Variants in BTG4 observed in about 807,000 individuals in gnomAD.
The protein encoded by BTG4 is BTG anti-proliferation factor 4.
A neutral mutation model predicts 19.3 loss-of-function variants in BTG4; 10 were observed. The ratio of observed to expected loss-of-function variants is 0.52; its 90% confidence interval spans 0.32 to 0.88. The LOEUF (loss-of-function observed/expected upper bound fraction) is 0.88, where lower values mean the gene tolerates loss of function less well. Ranked by LOEUF, BTG4 falls within the 40% of genes least tolerant of loss-of-function variation. The pLI is 0.04. For synonymous variants in BTG4, 91 were observed against 95.7 expected, an observed-to-expected ratio of 0.95 and a Z score of 0.29; for missense variants, 238 against 281.9, an observed-to-expected ratio of 0.84 and a Z score of 1.11.
At chr11:111,504,492 T>C (rs960045136) in intron 1 of BTG4, among the ~76,000 whole-genome samples, 1 of 152,088 alleles carries the variant, frequency 6.6e-6, no homozygotes, top group African/African-American at 2.4e-5. Context: ...TCTATCTGCA[T>C]TACTGAGCAT....
At chr11:111,489,638 A>G (rs1466353921) in intron 5 of BTG4, among the ~76,000 whole-genome samples, 2 of 152,222 alleles carry the variant, frequency 1.3e-5, no homozygotes, top group Non-Finnish European at 2.9e-5. Flanking sequence ...AAAAGAATAA[A>G]ATCCTATCAT....
the BTG4 span, among the ~76,000 whole-genome samples, chr11:111,436,103 C>T: frequency 1.3e-5 from 2 of 152,194 alleles, no homozygotes; most frequent in African/African-American, 4.8e-5. Flanking sequence ...CCATTATTAT[C>T]ACCCCATTTT....
intron 5 of BTG4, among the ~76,000 whole-genome samples, chr11:111,470,704 C>T (rs969708026): frequency 1.9e-4 from 29 of 152,068 alleles, no homozygotes; most frequent in African/African-American, 7.0e-4. Context: ...ATCACTTGAG[C>T]CCAGGAGTCT....
At chr11:111,438,157 G>A in the BTG4 span, among the ~76,000 whole-genome samples, 2 of 152,346 alleles carry the variant, frequency 1.3e-5, no homozygotes, top group South Asian at 4.1e-4. Flanking sequence ...CAACAGACGG[G>A]ACACAGAGGT....
intron 5 of BTG4, among the ~76,000 whole-genome samples, chr11:111,480,365 T>C (rs777644843): frequency 1.3e-5 from 2 of 152,068 alleles, no homozygotes; most frequent in Non-Finnish European, 2.9e-5. Flanking sequence ...ATCACAATTA[T>C]AGTTGGAGAC....
chr11:111,492,358 A>G (rs1168156070), downstream of BTG4, among the ~76,000 whole-genome samples: 1 of 152,190 alleles, frequency 6.6e-6, no homozygotes, highest in Non-Finnish European at 1.5e-5. Flanking sequence ...TTATCTAGCA[A>G]CTATTATATA....
chr11:111,513,395 A>G, upstream of BTG4: 1 of 534,074 alleles, frequency 1.9e-6, no homozygotes. Flanking sequence ...CCTGCCTGTC[A>G]CAACGTGTTG....
the BTG4 span, among the ~76,000 whole-genome samples, chr11:111,399,676 A>C: frequency 1.3e-5 from 2 of 152,196 alleles, no homozygotes; most frequent in Admixed American, 1.3e-4. Flanking sequence ...TTCTAAGGGA[A>C]TTGATCTCCT....
At chr11:111,510,505 C>G (rs1056501170) in intron 1 of BTG4, among the ~76,000 whole-genome samples, 1 of 152,154 alleles carries the variant, frequency 6.6e-6, no homozygotes, top group African/African-American at 2.4e-5. Flanking sequence ...CACAAGCATT[C>G]TTACTTAGAT....
upstream of BTG4, among the ~76,000 whole-genome samples, chr11:111,512,787 CGGCG>C (rs1867043140): frequency 6.6e-6 from 1 of 151,794 alleles, no homozygotes; most frequent in Non-Finnish European, 1.5e-5. Context: ...GCTGCGAGGC[CGGCG>C]GGGGTCCCGC....
chr11:111,424,224 A>G, the BTG4 span, among the ~76,000 whole-genome samples: 1 of 152,246 alleles, frequency 6.6e-6, no homozygotes, highest in Non-Finnish European at 1.5e-5. Context: ...GCCCCAGGAT[A>G]CTGAGAGTGA....
intron 1 of BTG4, among the ~76,000 whole-genome samples, chr11:111,507,568 T>TG (rs1866545333): frequency 6.6e-6 from 1 of 152,188 alleles, no homozygotes; most frequent in South Asian, 2.1e-4. Flanking sequence ...CTGCTGCCTA[T>TG]GGCTAATTCT....
chr11:111,498,454 C>G (rs1418958222), intron 2 of BTG4, 150 bp downstream of exon 2: 2 of 713,390 alleles, frequency 2.8e-6, no homozygotes, highest in Non-Finnish European at 4.6e-6. Context: ...ACTATGTCTC[C>G]TCCTTTCAAT....
intron 5 of BTG4, among the ~76,000 whole-genome samples, chr11:111,485,604 G>A (rs1306000687): frequency 6.6e-6 from 1 of 152,076 alleles, no homozygotes; most frequent in Non-Finnish European, 1.5e-5. Context: ...AGCAGTACTA[G>A]GAGTGCTAGT....
chr11:111,409,003 AAAG>A, the BTG4 span, among the ~76,000 whole-genome samples: 11 of 152,294 alleles, frequency 7.2e-5, no homozygotes, highest in East Asian at 7.7e-4. Context: ...GTCGAGTTGA[AAAG>A]AAGAAGTGGG....
At chr11:111,434,921 T>A in the BTG4 span, 36 of 152,194 alleles carry the variant, frequency 2.4e-4, no homozygotes, top group Non-Finnish European at 2.9e-5. Flanking sequence ...TGACCCTTAT[T>A]CCATCAGCCA....
intron 4 of BTG4, 169 bp downstream of exon 4, chr11:111,497,042 G>T: frequency 1.8e-6 from 1 of 566,394 alleles, no homozygotes; most frequent in East Asian, 3.0e-5. Context: ...AATACATTGT[G>T]CAGTGAAGGA....
the BTG4 span, among the ~76,000 whole-genome samples, chr11:111,424,779 G>A: frequency 1.3e-5 from 2 of 152,170 alleles, no homozygotes; most frequent in Non-Finnish European, 2.9e-5. Context: ...CCAATATGGT[G>A]AAACCCCGTC....
chr11:111,400,960 A>G, the BTG4 span: 1 of 151,952 alleles, frequency 6.6e-6, no homozygotes, highest in South Asian at 2.1e-4. Context: ...TGTCAAGGTC[A>G]TAAAAACAAG....
Sources: gnomAD v4.1 joint callset for allele counts (sites outside exome capture counted in the v4.1 genomes callset) on GRCh38, gnomAD v4.1.1 for gene constraint, MANE v1.5 for transcripts, NCBI Gene and HGNC (gene_info 2026-07-23, HGNC 2026-07-21) for gene names.